Variants in VIT observed in about 807,000 individuals in gnomAD.
VIT encodes the protein vitrin.
VIT carries 99 observed loss-of-function variants against 78.0 expected under a neutral mutation model. The ratio of observed to expected loss-of-function variants is 1.27; its 90% CI spans 1.08 to 1.50. VIT has a LOEUF of 1.50. Ranked by LOEUF, VIT falls within the 40% of genes most tolerant of loss-of-function variation. VIT has a pLI of 0.00. For synonymous variants in VIT, 374 were observed against 334.3 expected (o/e 1.12, Z -1.29); for missense variants, 1,126 against 875.3 (o/e 1.29, Z -3.61).
intron 6 of VIT, among the ~76,000 whole-genome samples, chr2:36,763,955 G>A (rs1669273987): frequency 6.6e-6 from 1 of 152,118 alleles, no homozygotes; most frequent in African/African-American, 2.4e-5. Flanking sequence ...GAAGCCCATG[G>A]CTGTTAGTTG....
In VIT at chr2:36,775,018, T is replaced by C. The variant is rs752841561; in HGVS notation, c.753T>C (p.Asp251=). ...PRADPGIQRQ[D]PSGAAFQKPV... is the part of the protein sequence containing the mutation. ...TCCCCTCAGGTATCCAAAGGCAAGA[T>C]CCTTCAGGAGCTGCCTTCCAGAAAC... The change falls in exon 9 of 16, where the codon GAT becomes GAC. Residue 251 remains aspartate (D), a synonymous_variant. Transcript: ENST00000379242. 3.1e-6 allele frequency: 5 copies of C among 1,614,140 alleles called. No homozygotes were observed. The South Asian group carries it at 5.5e-5, about 18-fold the overall frequency.
intron 1 of VIT, among the ~76,000 whole-genome samples, chr2:36,704,987 C>T (rs1179740975): frequency 2.0e-5 from 3 of 152,196 alleles, no homozygotes; most frequent in African/African-American, 7.2e-5. Flanking sequence ...CAGAACCAAA[C>T]ACCCAGCTCC....
At chr2:36,777,314 G>A (rs1265873964) in intron 9 of VIT, among the ~76,000 whole-genome samples, 4 of 151,766 alleles carry the variant, frequency 2.6e-5, no homozygotes, top group African/African-American at 9.7e-5. Flanking sequence ...TTAAATTTGA[G>A]AGCCTTTCAA....
At chr2:36,710,061 T>C (rs1217623638) in intron 1 of VIT, among the ~76,000 whole-genome samples, 1 of 152,210 alleles carries the variant, frequency 6.6e-6, no homozygotes, top group East Asian at 1.9e-4. Context: ...TGTCTGTATA[T>C]GTTAAGTCTT....
chr2:36,719,539 G>T (rs1395027418), intron 2 of VIT, among the ~76,000 whole-genome samples: 1 of 151,726 alleles, frequency 6.6e-6, no homozygotes, highest in South Asian at 2.1e-4. Flanking sequence ...CACTAACAAT[G>T]AACTATCTGA....
At chr2:36,759,559 G>T (rs1668981240) in intron 6 of VIT, 1 of 1,055,728 alleles carries the variant, frequency 9.5e-7, no homozygotes, top group Non-Finnish European at 1.1e-6. Flanking sequence ...GTAGACCTCA[G>T]GCCAAGAAAA....
rs543861304 is a variant in VIT at position 36,755,905 on chromosome 2, G to A, written c.409+851G>A. On this transcript the variant is annotated intron_variant, in intron 5 of 15. Transcript: ENST00000379242. ...TATTTTCTGAGATTGCCCAGTGGGA[G>A]CCCTTCAAGCTTTTGACATGTTCAC... 3.3e-5 allele frequency among the ~76,000 whole-genome samples: 5 copies of A among 149,454 alleles called. No individual in the cohort carries two copies. The South Asian group carries it at 8.5e-4, about 25-fold the overall frequency.
chr2:36,712,306 A>T (rs1665854272), intron 1 of VIT, among the ~76,000 whole-genome samples: 1 of 152,120 alleles, frequency 6.6e-6, no homozygotes, highest in Admixed American at 6.5e-5. Context: ...ATAAGCCAAC[A>T]CTTGGGTGAG....
intron 3 of VIT, among the ~76,000 whole-genome samples, chr2:36,736,699 G>A (rs542212537): frequency 1.3e-5 from 2 of 152,192 alleles, no homozygotes; most frequent in South Asian, 4.1e-4. Flanking sequence ...AGTATGTAAA[G>A]GAAAGCCTTG....
At chr2:36,764,361 T>C (rs1022979630) in intron 6 of VIT, among the ~76,000 whole-genome samples, 4 of 152,186 alleles carry the variant, frequency 2.6e-5, no homozygotes, top group Admixed American at 6.5e-5. Context: ...TGCATCTCCG[T>C]AAGGAGGCAA....
At chr2:36,780,413 C>T (rs1346690772) in intron 9 of VIT, among the ~76,000 whole-genome samples, 2 of 152,180 alleles carry the variant, frequency 1.3e-5, no homozygotes, top group Non-Finnish European at 2.9e-5. Flanking sequence ...CATATTTTCA[C>T]CAGTAGGTGG....
In VIT at chr2:36,814,239, A is replaced by G; in HGVS notation, c.1960A>G (p.Ile654Val). ...GGCTGCCCAAGAGGAGCTAGAAGTC[A>G]TTGCCACTCACCCCGCCAGAGACCA... is the stretch of plus-strand genomic sequence containing the variant. ...AWAAQEELEV[I>V]ATHPARDHSF... The change falls in exon 16 of 16, where the codon ATT becomes GTT. Residue 654 changes from isoleucine (I) to valine (V), a missense_variant. Transcript: ENST00000379242. The G allele has an allele frequency of 6.2e-7, 1 of 1,614,200 alleles. No homozygotes were observed. The highest frequency in any genetic ancestry group is 8.5e-7 in the Non-Finnish European group (1 of 1,180,030).
intron 1 of VIT, among the ~76,000 whole-genome samples, chr2:36,708,674 G>T (rs1384638185): frequency 6.6e-6 from 1 of 152,092 alleles, no homozygotes; most frequent in Non-Finnish European, 1.5e-5. Flanking sequence ...CTCTGTCGCT[G>T]GGTCCTGTCC....
At position 36,767,125 on chromosome 2, in the gene VIT, T is replaced by C. The variant is rs771106539; in HGVS notation, c.519T>C (p.Pro173=). The C allele has an allele frequency of 6.2e-7, 1 of 1,605,308 alleles. No individual in the cohort carries two copies. Among genetic ancestry groups the C allele is most frequent in the South Asian group, 1.1e-5 (1 of 89,162 alleles). ...CCACAAAAGCCTATCAGAGGCCACCTATTCCAGGGACAACTGCACAGCCGG... is the reference window on the plus strand; with the variant it reads ...CCACAAAAGCCTATCAGAGGCCACCCATTCCAGGGACAACTGCACAGCCGG... ...GETTKAYQRP[P]IPGTTAQPVT... Residue 173 remains proline, a synonymous_variant, in exon 7 of 16, where the codon CCT becomes CCC. Transcript: ENST00000379242.
chr2:36,807,269 A>G (rs1666798460), intron 14 of VIT, among the ~76,000 whole-genome samples: 1 of 151,844 alleles, frequency 6.6e-6, no homozygotes, highest in Non-Finnish European at 1.5e-5. Context: ...ATTGCTACCC[A>G]TTGCTCTCAA....
intron 3 of VIT, among the ~76,000 whole-genome samples, chr2:36,736,647 T>G (rs1355200713): frequency 1.3e-5 from 2 of 152,200 alleles, no homozygotes; most frequent in Admixed American, 1.3e-4. Context: ...CTGCAAAGTC[T>G]GTGTCCTCAG....
rs779010988 is a variant in VIT at position 36,767,301 on chromosome 2, A to T, written c.679+16A>T. On this transcript the variant is annotated intron_variant, in intron 7 of 15. Transcript: ENST00000379242. The stretch of plus-strand genomic sequence containing the variant: ...CAGGAGATGGGTCAGTAGGTAGACC[A>T]TGTGTTGCTTTGTGCTAGGGAAATG... 6.0e-6 allele frequency: 9 copies of T among 1,509,860 alleles called. No individual in the cohort carries two copies. The South Asian group carries it at 1.1e-4, about 18-fold the overall frequency. 93.5% of individuals were successfully genotyped at this position (1,509,860 alleles called of 1,614,324 possible). A position where few individuals can be genotyped will look rare whatever the true frequency, so the allele number is the denominator to read the frequency against.
chr2:36,773,821 G>T lies in VIT; in HGVS notation c.710G>T (p.Ser237Ile), dbSNP rs1411675853. The T allele has an allele frequency of 6.2e-7, 1 of 1,604,932 alleles. No homozygotes were observed. The highest frequency in any genetic ancestry group is 2.2e-5 in the East Asian group (1 of 44,684). The change falls in exon 8 of 16, where the codon AGC becomes ATC. Residue 237 changes from serine (S) to isoleucine (I), a missense_variant. Coordinates refer to ENST00000379242, the MANE Select transcript of VIT (RefSeq NM_053276.4). ...DLWSTATYTS[S>I]QNRPRADPGI... is the part of the protein sequence containing the mutation. ...TGGTCCACTGCCACCTACACAAGCA[G>T]CCAAAACAGGCCCAGAGCTGATCCA...
intron 3 of VIT, among the ~76,000 whole-genome samples, chr2:36,737,563 C>G (rs1238035429): frequency 6.6e-6 from 1 of 152,174 alleles, no homozygotes; most frequent in Non-Finnish European, 1.5e-5. Context: ...TCACATAGTT[C>G]TCTCCAATGA....
Sources: gnomAD v4.1 joint callset for allele counts (sites outside exome capture counted in the v4.1 genomes callset) on GRCh38, gnomAD v4.1.1 for gene constraint, MANE v1.5 for transcripts, NCBI Gene and HGNC (gene_info 2026-07-23, HGNC 2026-07-21) for gene names.